The following ELFN2 variants were observed in gnomAD, a reference collection of about 807,000 sequenced individuals.
ELFN2 encodes the protein extracellular leucine rich repeat and fibronectin type III domain containing 2.
Under a neutral mutation model 45.5 loss-of-function variants are expected in ELFN2, and 17 were observed. That is an observed-to-expected ratio of 0.37 (90% CI 0.26 to 0.56). The LOEUF (loss-of-function observed/expected upper bound fraction) is 0.56. ELFN2 is among the 20% of genes least tolerant of loss of function. The pLI is 0.77. For synonymous variants in ELFN2, 550 were observed against 551.5 expected, an observed-to-expected ratio of 1.00 and a Z score of 0.04; for missense variants, 922 against 1,183.2, an observed-to-expected ratio of 0.78 and a Z score of 3.24.
intron 2 of ELFN2, among the ~76,000 whole-genome samples, chr22:37,410,996 C>T (rs1171330597): frequency 1.3e-5 from 2 of 152,200 alleles, no homozygotes; most frequent in Non-Finnish European, 2.9e-5. Flanking sequence ...AGCCTGCCTC[C>T]CTGCTCCGAC....
In ELFN2 at chr22:37,374,556, G is replaced by T. The variant is rs1180061827; in HGVS notation, c.979C>A (p.Gln327Lys). The part of the protein sequence containing the change: ...HPYSKMYILV[Q>K]YNNSYFSDVM... ...TCGGAGAAGTAGCTGTTGTTGTACTGCACGAGGATGTACATCTTGCTGTAG... is the reference window on the plus strand; with the variant it reads ...TCGGAGAAGTAGCTGTTGTTGTACTTCACGAGGATGTACATCTTGCTGTAG... Residue 327 changes from glutamine to lysine, a missense_variant, in exon 3 of 3, where the codon CAG becomes AAG. Physicochemically the swap from Gln to Lys is moderately conservative, Grantham distance 53. Coordinates refer to ENST00000402918, the MANE Select transcript of ELFN2 (RefSeq NM_052906.5). 6.2e-7 allele frequency: 1 copy of T among 1,614,130 alleles called. No individual in the cohort carries two copies. The highest frequency in any genetic ancestry group is 8.5e-7 in the Non-Finnish European group (1 of 1,180,046).
At chr22:37,422,506 A>G (rs1601774583) in intron 1 of ELFN2, among the ~76,000 whole-genome samples, 1 of 151,108 alleles carries the variant, frequency 6.6e-6, no homozygotes, top group Admixed American at 6.6e-5. Flanking sequence ...GGAGTTCGAG[A>G]CCAGCCTAAC....
At chr22:37,385,084 G>T (rs738557) in intron 2 of ELFN2, 118,683 of 152,174 alleles carry the variant, frequency 0.78, 46,360 homozygotes, top group Admixed American at 0.84. Flanking sequence ...GACAGGGGCA[G>T]TGCATGTGGG....
At position 37,372,511 on chromosome 22, in the gene ELFN2, T is replaced by C. The variant is rs1181239752; in HGVS notation, c.*561A>G. Reference sequence around the variant, plus strand: ...TGGGGGACTTGAGGCTAAGCTGCTGTGTGACCCTGGGGTTGTCAACTCCCT... The same window carrying C: ...TGGGGGACTTGAGGCTAAGCTGCTGCGTGACCCTGGGGTTGTCAACTCCCT... On this transcript the variant is annotated 3_prime_UTR_variant, in exon 3 of 3. Transcript: ENST00000402918. This position sits in a 1 kb window ranked among gnomAD's most constrained non-coding sequence, Gnocchi z 4.4. The C allele has an allele frequency of 2.0e-5, 3 of 153,142 alleles. No individual in the cohort carries two copies. Among genetic ancestry groups the C allele is most frequent in the Admixed American group, 2.0e-4 (3 of 15,328 alleles). 9.5% of individuals were successfully genotyped at this position (153,142 alleles called of 1,614,324 possible). A position where few individuals can be genotyped will look rare whatever the true frequency, so the allele number is the denominator to read the frequency against.
chr22:37,411,170 G>A (rs1439061663), intron 2 of ELFN2, among the ~76,000 whole-genome samples: 1 of 152,190 alleles, frequency 6.6e-6, no homozygotes, highest in African/African-American at 2.4e-5. Context: ...ACTTGTCATG[G>A]GTAGAATTGG....
chr22:37,347,442 C>T (rs757170347), intron 1 of ELFN2, among the ~76,000 whole-genome samples: 3 of 152,190 alleles, frequency 2.0e-5, no homozygotes, highest in Admixed American at 6.5e-5. Context: ...TCCAAAACCA[C>T]GGACAGAACC....
chr22:37,344,856 G>A (rs983304668), intron 1 of ELFN2, among the ~76,000 whole-genome samples: 5 of 152,158 alleles, frequency 3.3e-5, no homozygotes, highest in Non-Finnish European at 7.4e-5. Context: ...CGCAGGGGGC[G>A]CTGAGGGGCG....
chr22:37,351,020 C>T (rs370489501), intron 1 of ELFN2, among the ~76,000 whole-genome samples: 2 of 150,410 alleles, frequency 1.3e-5, no homozygotes, highest in African/African-American at 4.8e-5. Flanking sequence ...TCTCCAGGCC[C>T]GGTTCCTCCT....
At chr22:37,361,784 C>G (rs978775837) in intron 1 of ELFN2, among the ~76,000 whole-genome samples, 2 of 152,178 alleles carry the variant, frequency 1.3e-5, no homozygotes, top group African/African-American at 4.8e-5. Context: ...GACAAATGTA[C>G]CTTCACGATG....
intron 1 of ELFN2, among the ~76,000 whole-genome samples, chr22:37,425,237 T>C (rs570390917): frequency 6.6e-6 from 1 of 152,258 alleles, no homozygotes; most frequent in East Asian, 1.9e-4. Context: ...GATAGGGGGC[T>C]GCAGCACATT....
intron 2 of ELFN2, among the ~76,000 whole-genome samples, chr22:37,377,322 C>A (rs578182130): frequency 2.0e-5 from 3 of 152,164 alleles, no homozygotes; most frequent in African/African-American, 4.8e-5. Context: ...TGGGAACAGC[C>A]CAGTTCTCCC....
At chr22:37,406,528 G>A (rs1423348901) in intron 2 of ELFN2, among the ~76,000 whole-genome samples, 1 of 151,144 alleles carries the variant, frequency 6.6e-6, no homozygotes, top group African/African-American at 2.4e-5. Flanking sequence ...CACCGCCCCT[G>A]CAGCAAGCAC....
At chr22:37,344,370 T>C (rs950019311) in intron 1 of ELFN2, among the ~76,000 whole-genome samples, 1 of 151,650 alleles carries the variant, frequency 6.6e-6, no homozygotes, top group African/African-American at 2.4e-5. Context: ...CAAATCTACA[T>C]GCGCACATAC....
At chr22:37,356,568 C>A (rs954161245) in intron 1 of ELFN2, among the ~76,000 whole-genome samples, 4 of 152,170 alleles carry the variant, frequency 2.6e-5, no homozygotes, top group Non-Finnish European at 5.9e-5. Context: ...CCTGGCCAGG[C>A]GTGAACGTCT....
intron 2 of ELFN2, among the ~76,000 whole-genome samples, chr22:37,379,675 GGA>G (rs908069355): frequency 3.3e-5 from 5 of 152,220 alleles, no homozygotes; most frequent in East Asian, 3.9e-4. Flanking sequence ...TGGGCAGAGA[GGA>G]GAGTCAGTGA....
In ELFN2 at chr22:37,373,471, G is replaced by A. The variant is rs759784030; in HGVS notation, c.2064C>T (p.Ser688=). The change falls in exon 3 of 3, where the codon AGC becomes AGT. Residue 688 remains serine (S), a synonymous_variant. Coordinates refer to ENST00000402918, the MANE Select transcript of ELFN2 (RefSeq NM_052906.5). ...GGTGGTGGATGCCCCCGCCCCCGCC[G>A]CTGCCCCCGCCGCTGCCCGCCGGCA... ...PLVPAGSGGG[S]GGGGGIHHLE... is the part of the protein sequence containing the mutation. The A allele has an allele frequency of 4.9e-5, 75 of 1,534,766 alleles. No homozygotes were observed. Among genetic ancestry groups the A allele is most frequent in the East Asian group, 1.2e-4 (5 of 40,866 alleles).
intron 1 of ELFN2, among the ~76,000 whole-genome samples, chr22:37,355,589 C>G (rs908495314): frequency 1.3e-5 from 2 of 150,462 alleles, no homozygotes; most frequent in African/African-American, 5.0e-5. Context: ...GTGGCCTTGT[C>G]TCCCCACCCA....
intron 2 of ELFN2, among the ~76,000 whole-genome samples, chr22:37,389,631 G>C (rs996933175): frequency 1.3e-5 from 2 of 152,080 alleles, no homozygotes; most frequent in African/African-American, 4.8e-5. Flanking sequence ...ACTGAGGTGC[G>C]GACGAGGAAC....
intron 2 of ELFN2, among the ~76,000 whole-genome samples, chr22:37,407,877 A>G (rs1932545471): frequency 6.6e-6 from 1 of 151,960 alleles, no homozygotes; most frequent in Admixed American, 6.5e-5. Flanking sequence ...CCTGGGGGAC[A>G]GAGCAAGACT....
Sources: gnomAD v4.1 joint callset for allele counts (sites outside exome capture counted in the v4.1 genomes callset) on GRCh38, gnomAD v4.1.1 for gene constraint, Gnocchi (gnomAD v3.1) non-coding constraint, MANE v1.5 for transcripts, NCBI Gene and HGNC (gene_info 2026-07-23, HGNC 2026-07-21) for gene names.